The following DOCK9 variants were observed in gnomAD, a reference collection of about 807,000 sequenced individuals.
DOCK9 encodes dedicator of cytokinesis 9, also known as dedicator of cytokinesis protein 9.
In DOCK9, 89 loss-of-function variants were observed where a neutral mutation model predicts 263.3. The ratio of observed to expected loss-of-function variants is 0.34; its 90% CI spans 0.28 to 0.40. The LOEUF (loss-of-function observed/expected upper bound fraction) is 0.40. Ranked by LOEUF, DOCK9 falls within the 10% of genes least tolerant of loss-of-function variation. The probability of loss-of-function intolerance (pLI) is 1.00; values close to 1 mark genes in which losing one functional copy is unlikely to be tolerated. For synonymous variants in DOCK9, 976 were observed against 973.1 expected, an observed-to-expected ratio of 1.00 and a Z score of -0.06; for missense variants, 2,140 against 2,603.4, an observed-to-expected ratio of 0.82 and a Z score of 3.87.
rs1023052 is a variant in DOCK9, at chr13:98,894,291, A to G, written c.1709+3197T>C. 3.5e-3 allele frequency among the ~76,000 whole-genome samples: 540 copies of G among 152,332 alleles called. 3 individuals are homozygous for G. The highest frequency in any genetic ancestry group is 0.012 in the African/African-American group (512 of 41,566). On this transcript the variant is annotated intron_variant, in intron 15 of 52. Coordinates refer to ENST00000682017, the MANE Select transcript of DOCK9 (RefSeq NM_001366683.2). ...TGAATATAAAAGTGTTAGTTTTTTA[A>G]AAGTTCATATAAAAATGACAGAATG...
At chr13:98,851,605 G>A (rs2093573093) in intron 35 of DOCK9, among the ~76,000 whole-genome samples, 1 of 152,192 alleles carries the variant, frequency 6.6e-6, no homozygotes, top group African/African-American at 2.4e-5. Flanking sequence ...GAGGGAAATG[G>A]CACAAGAAGG....
At chr13:99,052,476 T>C (rs1419359290) in intron 1 of DOCK9, among the ~76,000 whole-genome samples, 1 of 152,242 alleles carries the variant, frequency 6.6e-6, no homozygotes, top group African/African-American at 2.4e-5. Flanking sequence ...TGTGAGGTGG[T>C]ATCTCACTGT....
chr13:99,087,712 G>A (rs896018484), upstream of DOCK9: 9 of 152,416 alleles, frequency 5.9e-5, no homozygotes, highest in African/African-American at 2.2e-4. Context: ...CCAGGCCCGC[G>A]GCGCATGCTC....
intron 27 of DOCK9, 28 bp downstream of exon 27, chr13:98,879,870 A>G (rs1458979170): frequency 6.3e-7 from 1 of 1,576,200 alleles, no homozygotes; most frequent in Non-Finnish European, 8.6e-7. Flanking sequence ...TCCCCTAAGA[A>G]CACAAGCTTC....
intron 1 of DOCK9, among the ~76,000 whole-genome samples, chr13:99,057,041 A>G (rs1048313658): frequency 6.6e-6 from 1 of 152,184 alleles, no homozygotes; most frequent in Non-Finnish European, 1.5e-5. Context: ...CATGTAGACT[A>G]GAAGCAAAGA....
intron 15 of DOCK9, among the ~76,000 whole-genome samples, chr13:98,895,392 C>A (rs1364004588): frequency 6.6e-6 from 1 of 152,082 alleles, no homozygotes; most frequent in Admixed American, 6.5e-5. Context: ...CTAGGCTGGG[C>A]ACGGTGGCTC....
intron 1 of DOCK9, among the ~76,000 whole-genome samples, chr13:98,988,671 GTTC>G (rs1157588853): frequency 2.6e-5 from 4 of 152,188 alleles, no homozygotes; most frequent in East Asian, 1.9e-4. Context: ...GAAGCTCAAC[GTTC>G]TTCTTCTTTA....
intron 1 of DOCK9, among the ~76,000 whole-genome samples, chr13:99,033,040 T>C (rs1887513747): frequency 6.6e-6 from 1 of 152,222 alleles, no homozygotes; most frequent in Non-Finnish European, 1.5e-5. Context: ...TAAAGAATAG[T>C]TCCTTGTTAT....
intron 13 of DOCK9, 149 bp from the exon 14 acceptor site, chr13:98,898,410 G>A: frequency 1.6e-6 from 1 of 627,944 alleles, no homozygotes; most frequent in Non-Finnish European, 2.8e-6. Context: ...GAATATGGCT[G>A]GATTCACACT....
chr13:98,924,353 A>T (rs1409943677), intron 4 of DOCK9, among the ~76,000 whole-genome samples: 1 of 152,256 alleles, frequency 6.6e-6, no homozygotes, highest in East Asian at 1.9e-4. Flanking sequence ...AAAAGGTTCC[A>T]GCTCAAAGAT....
intron 15 of DOCK9, among the ~76,000 whole-genome samples, chr13:98,894,732 A>G (rs930458700): frequency 6.6e-6 from 1 of 151,900 alleles, no homozygotes; most frequent in African/African-American, 2.4e-5. Flanking sequence ...ATAATATATT[A>G]CCCACTACCA....
chr13:98,877,861 A>C (rs556643800), intron 27 of DOCK9, among the ~76,000 whole-genome samples: 1 of 152,318 alleles, frequency 6.6e-6, no homozygotes, highest in East Asian at 1.9e-4. Context: ...TTTTGAATAT[A>C]ATCACGTTAC....
rs145332798 is a variant in DOCK9, at chr13:98,955,426, G to A, written c.243+9C>T. On this transcript the variant is annotated intron_variant, in intron 2 of 52. Transcript: ENST00000682017. Reference sequence around the variant, plus strand: ...GTGGTTCTACGGATAGAAACATAACGTTACTTACCTGAAAGTCATCGTAAG... The same window carrying A: ...GTGGTTCTACGGATAGAAACATAACATTACTTACCTGAAAGTCATCGTAAG... 21 of 1,552,398 alleles carry A rather than the reference G, an allele frequency of 1.4e-5. No homozygotes were observed. Among genetic ancestry groups the A allele is most frequent in the East Asian group, 4.7e-5 (2 of 42,798 alleles).
intron 1 of DOCK9, among the ~76,000 whole-genome samples, chr13:98,963,101 G>T (rs559206320): frequency 6.6e-6 from 1 of 152,120 alleles, no homozygotes; most frequent in Non-Finnish European, 1.5e-5. Flanking sequence ...CCGAGGCCCC[G>T]CCAGTCCCCA....
At chr13:99,047,560 C>T (rs1014918848) in intron 1 of DOCK9, among the ~76,000 whole-genome samples, 5 of 149,572 alleles carry the variant, frequency 3.3e-5, no homozygotes, top group African/African-American at 1.2e-4. Context: ...GCCCAGTCGC[C>T]TAGGCTGGAG....
chr13:98,867,425 C>T lies in DOCK9; in HGVS notation c.3286G>A (p.Asp1096Asn). 1 of 1,541,444 alleles carries T rather than the reference C, an allele frequency of 6.5e-7. No individual in the cohort carries two copies. The highest frequency in any genetic ancestry group is 8.9e-7 in the Non-Finnish European group (1 of 1,118,232). Residue 1096 changes from aspartate (D) to asparagine (N), a missense_variant and splice_region_variant, in exon 30 of 53, where the codon GAC (aspartate) becomes AAC (asparagine). By Grantham distance (23) the Asp-to-Asn change is conservative. Coordinates refer to ENST00000682017, the MANE Select transcript of DOCK9 (RefSeq NM_001366683.2). ...GTTAATAGAAATAAAGATGGATTAC[C>T]TTGGTATCTTTGAATCCTGCCTTTT... The part of the protein sequence containing the change: ...FGKGRIQRYQ[D>N]LQLDYSLTDE...
At chr13:99,045,725 G>C (rs1888919197) in intron 1 of DOCK9, among the ~76,000 whole-genome samples, 1 of 151,874 alleles carries the variant, frequency 6.6e-6, no homozygotes, top group Admixed American at 6.6e-5. Flanking sequence ...CGGAATTTTT[G>C]TCAAAAAATG....
chr13:98,866,479 A>G (rs993305304), intron 30 of DOCK9, among the ~76,000 whole-genome samples: 11 of 152,148 alleles, frequency 7.2e-5, no homozygotes, highest in African/African-American at 2.4e-5. Context: ...TGCCATTAGC[A>G]GTTTGGTGGC....
At chr13:98,929,511 C>T (rs528193655) in intron 3 of DOCK9, among the ~76,000 whole-genome samples, 1 of 152,104 alleles carries the variant, frequency 6.6e-6, no homozygotes, top group East Asian at 1.9e-4. Context: ...CTCCACAGCA[C>T]TCTAGCTTAG....
Sources: gnomAD v4.1 joint callset for allele counts (sites outside exome capture counted in the v4.1 genomes callset) on GRCh38, gnomAD v4.1.1 for gene constraint, MANE v1.5 for transcripts, NCBI Gene and HGNC (gene_info 2026-07-23, HGNC 2026-07-21) for gene names.